ANKRD30A: variants seen among roughly 807,000 people sequenced by gnomAD.
ANKRD30A encodes the protein ankyrin repeat domain 30A, also known as ankyrin repeat domain-containing protein 30A.
In ANKRD30A, 170 loss-of-function variants were observed where a neutral mutation model predicts 166.3. That is an observed-to-expected ratio of 1.02 (90% confidence interval 0.90 to 1.16). The LOEUF (loss-of-function observed/expected upper bound fraction) is 1.16. Among genes scored for constraint, ANKRD30A ranks in the 50% most tolerant of loss-of-function variants. The pLI is 0.00. For missense variants in ANKRD30A, 1,630 were observed against 1,518.0 expected (o/e 1.07, Z -1.23); for synonymous variants, 564 against 508.9 (o/e 1.11, Z -1.46).
At chr10:37,165,444 A>ACTTTTGCTTTT in intron 18 of ANKRD30A, among the ~76,000 whole-genome samples, 1 of 152,234 alleles carries the variant, frequency 6.6e-6, no homozygotes. Context: ...CGTTTGTCTA[A>ACTTTTGCTTTT]AAGCAAAAGA....
At chr10:37,152,304 T>G (rs1838009792) in intron 12 of ANKRD30A, among the ~76,000 whole-genome samples, 183 bp downstream of exon 12, 1 of 152,108 alleles carries the variant, frequency 6.6e-6, no homozygotes, top group African/African-American at 2.4e-5. Context: ...CATAGTGAAA[T>G]TCTGGGAATT....
At chr10:37,220,717 T>C (rs1008279134) in intron 34 of ANKRD30A, among the ~76,000 whole-genome samples, 14 of 151,172 alleles carry the variant, frequency 9.3e-5, no homozygotes, top group South Asian at 4.1e-4. Context: ...AGAAAGATCA[T>C]TGTAGCTCTC....
At chr10:37,243,363 C>T in the ANKRD30A span, among the ~76,000 whole-genome samples, 1 of 149,142 alleles carries the variant, frequency 6.7e-6, no homozygotes, top group Non-Finnish European at 1.5e-5. Flanking sequence ...CCAGGATGGT[C>T]TGGATCTCCT....
chr10:37,190,185 C>T (rs1458319218), intron 25 of ANKRD30A, among the ~76,000 whole-genome samples: 1 of 151,798 alleles, frequency 6.6e-6, no homozygotes, highest in African/African-American at 2.4e-5. Flanking sequence ...GGTTTTCAAA[C>T]TTTAGAAAGT....
intron 17 of ANKRD30A, among the ~76,000 whole-genome samples, chr10:37,163,143 GA>G (rs1260588611): frequency 1.3e-5 from 2 of 148,950 alleles, no homozygotes; most frequent in Non-Finnish European, 3.0e-5. Flanking sequence ...GGTGAATGTT[GA>G]AACTCCAATT....
At chr10:37,205,863 C>CTGG (rs1231352475) in intron 31 of ANKRD30A, among the ~76,000 whole-genome samples, 1 of 152,120 alleles carries the variant, frequency 6.6e-6, no homozygotes, top group East Asian at 1.9e-4. Context: ...GATGCTGATG[C>CTGG]TGGTGGTTCT....
At chr10:37,253,279 C>T in the ANKRD30A span, among the ~76,000 whole-genome samples, 1 of 152,136 alleles carries the variant, frequency 6.6e-6, no homozygotes, top group Admixed American at 6.5e-5. Context: ...TAGCCACTAG[C>T]CACATGTGGC....
At chr10:37,190,588 G>T (rs1382023151) in intron 25 of ANKRD30A, among the ~76,000 whole-genome samples, 1 of 151,810 alleles carries the variant, frequency 6.6e-6, no homozygotes, top group Non-Finnish European at 1.5e-5. Flanking sequence ...TGCTAAAGCA[G>T]AGAGATTGTG....
chr10:37,219,421 G>GTT lies in ANKRD30A; in HGVS notation c.3710_3711dup (p.Asp1238LeufsTer3). On this transcript the variant is annotated frameshift_variant, in exon 34 of 36. Coordinates refer to ENST00000361713, the MANE Select transcript of ANKRD30A (RefSeq NM_052997.3). LOFTEE classifies it high-confidence loss of function. ...TGCTTGTTTGCAAAGAAAAATGAAT[G>GTT]TTGATGTGAGTAGTACGATATATAA... 14 of 1,610,446 alleles carry GTT rather than the reference G, an allele frequency of 8.7e-6. No homozygotes were observed. The highest frequency in any genetic ancestry group is 1.2e-5 in the Non-Finnish European group (14 of 1,177,732).
rs1203221285 is a variant in ANKRD30A at position 37,219,351 on chromosome 10, G to A, written c.3639G>A (p.Val1213=). Residue 1213 remains valine (V), a synonymous_variant, in exon 34 of 36, where the codon GTG becomes GTA. Transcript: ENST00000361713. ...CTGTACAAGACCATGATCAAATTGT[G>A]ACATCAAGAAAAAGTCAAGAACCTG... ...ASAVQDHDQI[V]TSRKSQEPAF... The A allele has an allele frequency of 3.7e-6, 6 of 1,610,332 alleles. No homozygotes were observed. The highest frequency in any genetic ancestry group is 5.1e-6 in the Non-Finnish European group (6 of 1,177,606).
chr10:37,153,905 A>T (rs1460767220), intron 13 of ANKRD30A, among the ~76,000 whole-genome samples: 1 of 152,216 alleles, frequency 6.6e-6, no homozygotes, highest in African/African-American at 2.4e-5. Flanking sequence ...GAGGAAAATG[A>T]GAAAATAAGA....
chr10:37,134,201 A>AT, intron 5 of ANKRD30A, 148 bp downstream of exon 5: 1 of 962,522 alleles, frequency 1.0e-6, no homozygotes, highest in Non-Finnish European at 1.6e-6. Context: ...TCTTTATTTT[A>AT]GGACTTTCAA....
chr10:37,154,863 C>G (rs1299887728), intron 13 of ANKRD30A, among the ~76,000 whole-genome samples: 2 of 152,122 alleles, frequency 1.3e-5, no homozygotes, highest in African/African-American at 4.8e-5. Flanking sequence ...TAGAATTGGA[C>G]TAAACCTCAG....
rs369977517 is a variant in ANKRD30A at position 37,137,099 on chromosome 10, A to G, written c.820+428A>G. On this transcript the variant is annotated intron_variant, in intron 6 of 35. Coordinates refer to ENST00000361713, the MANE Select transcript of ANKRD30A (RefSeq NM_052997.3). ...TGGGGTGATTGATGAGCTCAGTAAC[A>G]GGGGATGATCAGGTTATCCAATTTA... Among the ~76,000 whole-genome samples the G allele has an allele frequency of 3.0e-4, 46 of 152,096 alleles. 1 individual carries two copies. In the South Asian group the frequency reaches 9.3e-3, roughly 31 times the overall value.
chr10:37,252,916 A>G, the ANKRD30A span, among the ~76,000 whole-genome samples: 2 of 152,316 alleles, frequency 1.3e-5, no homozygotes, highest in East Asian at 3.9e-4. Flanking sequence ...TATGAAACAC[A>G]TTGTCCTTTT....
rs914914903 is a variant in ANKRD30A, at chr10:37,130,270, C to T, written c.402C>T (p.Leu134=). Residue 134 remains leucine, a synonymous_variant, in exon 3 of 36, where the codon CTC becomes CTT. Coordinates refer to ENST00000361713, the MANE Select transcript of ANKRD30A (RefSeq NM_052997.3). The part of the protein sequence containing the change: ...ILIDSGADIN[L]VDVYGNTALH... ...TAGATTCTGGTGCCGATATAAATCT[C>T]GTAGATGTGTATGGCAACACGGCTC... The T allele has an allele frequency of 7.5e-6, 12 of 1,604,422 alleles. No homozygotes were observed. The highest frequency in any genetic ancestry group is 6.8e-5 in the East Asian group (3 of 44,026).
Position 37,130,202 on chromosome 10 carries a change from C to T in ANKRD30A, c.337-3C>T. ...ACAATAATTCTTGCTTTAATACTGA[C>T]AGGCTCTACAATGCCATCAGGAGGC... On this transcript the variant is annotated splice_region_variant and splice_polypyrimidine_tract_variant and intron_variant, in intron 2 of 35. Coordinates refer to ENST00000361713, the MANE Select transcript of ANKRD30A (RefSeq NM_052997.3). 1 of 1,569,136 alleles carries T rather than the reference C, an allele frequency of 6.4e-7. No individual in the cohort carries two copies. The highest frequency in any genetic ancestry group is 8.6e-7 in the Non-Finnish European group (1 of 1,160,692).
At position 37,142,774 on chromosome 10, in the gene ANKRD30A, G is replaced by C. The variant is rs1470060395; in HGVS notation, c.1393+484G>C. On this transcript the variant is annotated intron_variant, in intron 7 of 35. Coordinates refer to ENST00000361713, the MANE Select transcript of ANKRD30A (RefSeq NM_052997.3). ...TGGATAATTTTTTGTATTTTTAGTA[G>C]AGATAGGGTTTCACTATATTGACCA... is the stretch of plus-strand genomic sequence containing the variant. 6.6e-5 allele frequency among the ~76,000 whole-genome samples: 10 copies of C among 151,788 alleles called. No homozygotes were observed. In the East Asian group the frequency reaches 1.4e-3, roughly 21 times the overall value.
At chr10:37,227,592 T>C (rs190526907) in intron 34 of ANKRD30A, among the ~76,000 whole-genome samples, 1 of 152,122 alleles carries the variant, frequency 6.6e-6, no homozygotes, top group East Asian at 1.9e-4. Flanking sequence ...AAGTTCAGTA[T>C]AGAGAAACAT....
Sources: allele counts gnomAD v4.1 joint callset (sites outside exome capture counted in the v4.1 genomes callset), GRCh38; gene constraint gnomAD v4.1.1; transcripts MANE v1.5; gene names NCBI Gene and HGNC (gene_info 2026-07-23, HGNC 2026-07-21).